RIF1: variants seen among roughly 807,000 people sequenced by gnomAD.
The protein encoded by RIF1 is telomere-associated protein RIF1.
A neutral mutation model predicts 247.1 loss-of-function variants in RIF1; 45 were observed. That is an observed-to-expected ratio of 0.18 (90% CI 0.14 to 0.23). The LOEUF (loss-of-function observed/expected upper bound fraction) is 0.23. Among genes scored for constraint, RIF1 ranks in the 10% least tolerant of loss-of-function variants. The probability of loss-of-function intolerance (pLI) is 1.00; values close to 1 mark genes in which losing one functional copy is unlikely to be tolerated. For missense variants in RIF1, 2,967 were observed against 2,862.5 expected (o/e 1.04, Z -0.83); for synonymous variants, 1,087 against 978.8 (o/e 1.11, Z -2.06).
the RIF1 span, among the ~76,000 whole-genome samples, chr2:151,521,234 T>G: frequency 1.3e-5 from 2 of 152,130 alleles, no homozygotes; most frequent in African/African-American, 4.8e-5. Context: ...GAAAATGCAT[T>G]CACAATGCTG....
chr2:151,458,102 A>G (rs1271996681), intron 24 of RIF1, 139 bp downstream of exon 24: 2 of 582,880 alleles, frequency 3.4e-6, no homozygotes, highest in African/African-American at 1.9e-5. Context: ...TTTGGAATAC[A>G]TGATAATTAT....
At chr2:151,533,875 TTTTG>T in the RIF1 span, among the ~76,000 whole-genome samples, 3 of 152,344 alleles carry the variant, frequency 2.0e-5, no homozygotes, top group African/African-American at 4.8e-5. Flanking sequence ...TTCCATTAAT[TTTTG>T]TTTGTTTTTT....
rs1355427088 is a variant in RIF1, at chr2:151,474,857, A to G, written c.7205A>G (p.Asp2402Gly). ...TTGTGGTTTTTTTTTTCTCTTTTAG[A>G]TATAATTGATCCTGTTGCTTTAGAA... ...LSPDEERLVSDIIDPVALEIP... is the reference protein window; with the variant it reads ...LSPDEERLVSGIIDPVALEIP... The change falls in exon 36 of 36, where the codon GAT becomes GGT. Residue 2402 changes from aspartate (D) to glycine (G), a missense_variant and splice_region_variant. Around this residue, in one of 7 missense-constraint regions of RIF1, gnomAD observed 151 missense variants for 163.4 expected, o/e 0.92. Coordinates refer to ENST00000444746, the MANE Select transcript of RIF1 (RefSeq NM_018151.5). The G allele has an allele frequency of 6.8e-7, 1 of 1,468,312 alleles. No individual in the cohort carries two copies. The highest frequency in any genetic ancestry group is 9.5e-7 in the Non-Finnish European group (1 of 1,053,160). 91.0% of individuals were successfully genotyped at this position (1,468,312 alleles called of 1,614,324 possible).
At chr2:151,425,326 T>G (rs1416295408) in intron 8 of RIF1, among the ~76,000 whole-genome samples, 1 of 152,148 alleles carries the variant, frequency 6.6e-6, no homozygotes, top group Non-Finnish European at 1.5e-5. Context: ...AATATTTAAT[T>G]CCGTTCTGTA....
intron 10 of RIF1, chr2:151,497,968 T>C: frequency 7.0e-7 from 1 of 1,437,212 alleles, no homozygotes. Flanking sequence ...TTTTTGTGAG[T>C]ACGGTGCCTC....
intron 11 of RIF1, among the ~76,000 whole-genome samples, chr2:151,436,489 T>G (rs1353090785): frequency 6.8e-6 from 1 of 147,640 alleles, no homozygotes; most frequent in African/African-American, 2.5e-5. Context: ...TGTAGTGAAC[T>G]ATGATTGTAC....
At chr2:151,523,119 T>G in the RIF1 span, among the ~76,000 whole-genome samples, 1 of 152,216 alleles carries the variant, frequency 6.6e-6, no homozygotes, top group South Asian at 2.1e-4. Flanking sequence ...TTAAAAACAT[T>G]AACTTTTTGC....
chr2:151,460,051 A>G lies in RIF1; in HGVS notation c.3007A>G (p.Asn1003Asp). 6.3e-7 allele frequency: 1 copy of G among 1,574,944 alleles called. No homozygotes were observed. The highest frequency in any genetic ancestry group is 1.7e-4 in the Middle Eastern group (1 of 5,976). The change falls in exon 26 of 36, where the codon AAT becomes GAT. Residue 1003 changes from asparagine to aspartate, a missense_variant. By Grantham distance (23) the Asn-to-Asp change is conservative. Coordinates refer to ENST00000444746, the MANE Select transcript of RIF1 (RefSeq NM_018151.5). Reference protein sequence around the residue: ...VKISGMERKSNGKRDSFLAQT... With the variant: ...VKISGMERKSDGKRDSFLAQT... ...GATAAGTGGCATGGAGAGAAAATCA[A>G]ATGGAAAAAGAGATTCATTTTTGGC...
At chr2:151,507,149 G>T (rs989855952) in intron 13 of RIF1, 3 of 583,212 alleles carry the variant, frequency 5.1e-6, no homozygotes, top group Non-Finnish European at 8.9e-6. Flanking sequence ...TGGTCTGGTA[G>T]CCCAAGGGAA....
In RIF1 at chr2:151,464,980, A is replaced by C. The variant is rs1696688753; in HGVS notation, c.5460A>C (p.Glu1820Asp). Residue 1820 changes from glutamate (E) to aspartate (D), a missense_variant, in exon 30 of 36, where the codon GAA (glutamate) becomes GAC (aspartate). By Grantham distance (45) the Glu-to-Asp change is conservative. Around this residue, in one of 7 missense-constraint regions of RIF1, gnomAD observed 2,028 missense variants for 1,825.6 expected, o/e 1.11. Transcript: ENST00000444746. ...TTGTTTCTGAAACCAAATCAAAAGAAAACACTATGCAAGAATCTCTTCCTT... is the reference window on the plus strand; with the variant it reads ...TTGTTTCTGAAACCAAATCAAAAGACAACACTATGCAAGAATCTCTTCCTT... ...SLIVSETKSK[E>D]NTMQESLPSG... is the part of the protein sequence containing the mutation. 1 of 1,576,012 alleles carries C rather than the reference A, an allele frequency of 6.3e-7. No homozygotes were observed.
the RIF1 span, among the ~76,000 whole-genome samples, chr2:151,523,484 A>T: frequency 6.6e-6 from 1 of 152,246 alleles, no homozygotes; most frequent in African/African-American, 2.4e-5. Context: ...TGAGAGGACA[A>T]GGAAAAAGAA....
At position 151,468,036 on chromosome 2, in the gene RIF1, G is replaced by C; in HGVS notation, c.6637G>C (p.Ala2213Pro). The C allele has an allele frequency of 6.2e-7, 1 of 1,613,658 alleles. No individual in the cohort carries two copies. The highest frequency in any genetic ancestry group is 8.5e-7 in the Non-Finnish European group (1 of 1,179,848). ...CTCCTTTGCAGATCCAATATACCAA[G>C]CAGGATTGGCAGATGACATTGATAG... ...RVSFADPIYQ[A>P]GLADDIDRRC... Residue 2213 changes from alanine to proline, a missense_variant, in exon 31 of 36, where the codon GCA becomes CCA. Ala to Pro is a conservative substitution (Grantham distance 27, BLOSUM62 -1). This residue lies in a region of RIF1 where 2,028 missense variants were observed against 1,825.6 expected (regional missense o/e 1.11). Transcript: ENST00000444746.
At chr2:151,490,622 G>T in intron 9 of RIF1, 1 of 1,391,290 alleles carries the variant, frequency 7.2e-7, no homozygotes, top group South Asian at 1.3e-5. Context: ...TGCCAAGCAT[G>T]GTTTTAAGTA....
chr2:151,472,492 A>G lies in RIF1; in HGVS notation c.7096-1472A>G, dbSNP rs889435963. Among the ~76,000 whole-genome samples the G allele has an allele frequency of 3.9e-5, 6 of 152,312 alleles. No homozygotes were observed. In the South Asian group the frequency reaches 1.2e-3, roughly 32 times the overall value. On this transcript the variant is annotated intron_variant, in intron 34 of 35. Coordinates refer to ENST00000444746, the MANE Select transcript of RIF1 (RefSeq NM_018151.5). ...TTTCAGTTTTTGCCCATTCAGTATG[A>G]TATTGGCTGTGGGTTTGTCATAAAT...
At chr2:151,437,140 G>A (rs1234281058) in intron 12 of RIF1, 101 bp from the exon 13 acceptor site, 10 of 1,223,334 alleles carry the variant, frequency 8.2e-6, no homozygotes, top group Non-Finnish European at 1.0e-5. Flanking sequence ...TTTTTTTATA[G>A]AAAACACACC....
intron 20 of RIF1, among the ~76,000 whole-genome samples, chr2:151,446,997 G>A (rs897145652): frequency 5.5e-5 from 8 of 145,344 alleles, no homozygotes; most frequent in African/African-American, 1.5e-4. Flanking sequence ...AGGCTGGAGT[G>A]CAGTGGCGCG....
rs757205291 is a variant in RIF1 at position 151,474,886 on chromosome 2, C to T, written c.7234C>T (p.Pro2412Ser). Reference protein sequence around the residue: ...DIIDPVALEIPLSKNLLAQIS... With the variant: ...DIIDPVALEISLSKNLLAQIS... ...AATTGATCCTGTTGCTTTAGAAATT[C>T]CATTATCCAAAAACCTTCTGGCACA... Residue 2412 changes from proline to serine, a missense_variant, in exon 36 of 36, where the codon CCA (proline) becomes TCA (serine). Around this residue, in one of 7 missense-constraint regions of RIF1, gnomAD observed 151 missense variants for 163.4 expected, o/e 0.92. Transcript: ENST00000444746. The T allele has an allele frequency of 4.4e-6, 7 of 1,581,804 alleles. No individual in the cohort carries two copies. The highest frequency in any genetic ancestry group is 2.2e-5 in the South Asian group (2 of 89,862).
chr2:151,456,806 C>T (rs1695270077), intron 23 of RIF1, among the ~76,000 whole-genome samples, 186 bp downstream of exon 23: 1 of 151,806 alleles, frequency 6.6e-6, no homozygotes, highest in Non-Finnish European at 1.5e-5. Context: ...GATCTCGGCT[C>T]ACTGCAACCT....
At chr2:151,451,441 C>T (rs1419501969) in intron 20 of RIF1, among the ~76,000 whole-genome samples, 165 bp from the exon 21 acceptor site, 1 of 152,146 alleles carries the variant, frequency 6.6e-6, no homozygotes, top group Non-Finnish European at 1.5e-5. Context: ...CACAGTGGAT[C>T]TCTGTTAAGC....
Sources: gnomAD v4.1 joint callset for allele counts (sites outside exome capture counted in the v4.1 genomes callset) on GRCh38, gnomAD v4.1.1 for gene constraint, gnomAD v4.1.1 regional missense constraint, MANE v1.5 for transcripts, NCBI Gene and HGNC (gene_info 2026-07-23, HGNC 2026-07-21) for gene names.